Variants in BLOC1S5 observed in about 807,000 individuals in gnomAD.
BLOC1S5 encodes the protein biogenesis of lysosomal organelles complex 1 subunit 5.
A neutral mutation model predicts 24.3 loss-of-function variants in BLOC1S5; 27 were observed. The observed-to-expected ratio is 1.11, with a 90% CI of 0.82 to 1.53. The LOEUF (loss-of-function observed/expected upper bound fraction) is 1.53. Ranked by LOEUF, BLOC1S5 falls within the 40% of genes most tolerant of loss-of-function variation. The probability of loss-of-function intolerance (pLI) is 0.00; values close to 1 mark genes in which losing one functional copy is unlikely to be tolerated. For missense variants in BLOC1S5, 239 were observed against 229.4 expected (o/e 1.04, Z -0.27); for synonymous variants, 84 against 74.5 (o/e 1.13, Z -0.66).
At chr6:8,040,843 G>A (rs561588936) in intron 3 of BLOC1S5, among the ~76,000 whole-genome samples, 11 of 151,172 alleles carry the variant, frequency 7.3e-5, no homozygotes, top group Admixed American at 3.3e-4. Context: ...GACACAGAGT[G>A]AGACTGTGCC....
chr6:8,052,194 C>T (rs1359383849), intron 2 of BLOC1S5, among the ~76,000 whole-genome samples: 5 of 152,160 alleles, frequency 3.3e-5, no homozygotes, highest in African/African-American at 1.2e-4. Context: ...GTCTCGATCT[C>T]CTGACCTTGT....
chr6:8,035,669 CA>C, intron 3 of BLOC1S5, among the ~76,000 whole-genome samples: 1 of 152,266 alleles, frequency 6.6e-6, no homozygotes, highest in Middle Eastern at 3.4e-3. Context: ...ATACAGGGGT[CA>C]ATTCAGCAAG....
At chr6:8,039,370 T>C (rs1763605465) in intron 3 of BLOC1S5, among the ~76,000 whole-genome samples, 1 of 152,188 alleles carries the variant, frequency 6.6e-6, no homozygotes, top group African/African-American at 2.4e-5. Flanking sequence ...GACCTAGTAT[T>C]TGATATATCA....
intron 2 of BLOC1S5, among the ~76,000 whole-genome samples, chr6:8,050,374 C>G (rs1403586749): frequency 6.6e-6 from 1 of 152,094 alleles, no homozygotes; most frequent in Non-Finnish European, 1.5e-5. Context: ...CCATCTCTTT[C>G]CCTCTCCTTG....
chr6:8,039,630 TAA>T (rs56391022), intron 3 of BLOC1S5, among the ~76,000 whole-genome samples: 5,938 of 149,586 alleles, frequency 0.04, 368 homozygotes, highest in African/African-American at 0.13. Context: ...GTATTAGCTT[TAA>T]AAAAAAAAAG....
intron 4 of BLOC1S5, among the ~76,000 whole-genome samples, chr6:8,018,771 C>T (rs1171287614): frequency 3.3e-5 from 5 of 152,166 alleles, no homozygotes; most frequent in Admixed American, 1.3e-4. Context: ...AAATCACAAG[C>T]GAAGCATCTA....
intron 1 of BLOC1S5, among the ~76,000 whole-genome samples, chr6:8,063,975 C>G (rs1757354646): frequency 6.6e-6 from 1 of 152,222 alleles, no homozygotes; most frequent in South Asian, 2.1e-4. Context: ...GCGAGGCTGC[C>G]CAAAGGCTCT....
chr6:8,025,868 A>C (rs979764726), intron 4 of BLOC1S5, among the ~76,000 whole-genome samples: 4 of 152,248 alleles, frequency 2.6e-5, no homozygotes, highest in Non-Finnish European at 5.9e-5. Flanking sequence ...ACAGGAACTT[A>C]AATTCTTGTG....
At chr6:8,024,003 C>T (rs987512615) in intron 4 of BLOC1S5, among the ~76,000 whole-genome samples, 2 of 152,126 alleles carry the variant, frequency 1.3e-5, no homozygotes, top group Non-Finnish European at 2.9e-5. Context: ...AGAATTTTTA[C>T]TTTGAGCAGA....
intron 4 of BLOC1S5, among the ~76,000 whole-genome samples, chr6:8,020,132 AATAAC>A (rs1228728514): frequency 5.3e-5 from 8 of 152,238 alleles, no homozygotes; most frequent in Admixed American, 5.2e-4. Flanking sequence ...AAATTTTTTA[AATAAC>A]ATAAAAGTAT....
At chr6:8,061,944 C>G (rs1451830325) in intron 2 of BLOC1S5, among the ~76,000 whole-genome samples, 1 of 152,174 alleles carries the variant, frequency 6.6e-6, no homozygotes, top group Non-Finnish European at 1.5e-5. Flanking sequence ...ATCCTGTGGA[C>G]AGAAATAGTA....
At chr6:8,044,681 T>C (rs1763816638) in intron 2 of BLOC1S5, among the ~76,000 whole-genome samples, 1 of 152,154 alleles carries the variant, frequency 6.6e-6, no homozygotes, top group South Asian at 2.1e-4. Context: ...GAGGAACTTG[T>C]TGGGAACTGG....
intron 2 of BLOC1S5, among the ~76,000 whole-genome samples, chr6:8,046,042 C>T (rs930772901): frequency 2.0e-5 from 3 of 152,126 alleles, no homozygotes; most frequent in Non-Finnish European, 4.4e-5. Flanking sequence ...TCTGTCCCCA[C>T]CCAAATCTCA....
intron 2 of BLOC1S5, among the ~76,000 whole-genome samples, chr6:8,054,579 C>A (rs1764249762): frequency 1.3e-5 from 2 of 152,214 alleles, no homozygotes; most frequent in South Asian, 4.1e-4. Flanking sequence ...AAGCCCCTGG[C>A]TGTTATTCCA....
intron 3 of BLOC1S5, among the ~76,000 whole-genome samples, chr6:8,030,005 AACAG>A (rs1763243346): frequency 6.6e-6 from 1 of 152,184 alleles, no homozygotes; most frequent in Non-Finnish European, 1.5e-5. Flanking sequence ...GACCTCCCTA[AACAG>A]ACAAAGCAAA....
At chr6:8,053,318 G>A (rs1473427622) in intron 2 of BLOC1S5, among the ~76,000 whole-genome samples, 1 of 152,184 alleles carries the variant, frequency 6.6e-6, no homozygotes, top group East Asian at 1.9e-4. Flanking sequence ...AATCTTTGTA[G>A]AAGGAAGAGT....
At chr6:8,017,657 A>T (rs1762790880) in intron 4 of BLOC1S5, 2 of 152,250 alleles carry the variant, frequency 1.3e-5, no homozygotes, top group Non-Finnish European at 2.9e-5. Flanking sequence ...AGTACCCATG[A>T]AATGCAAACT....
intron 2 of BLOC1S5, among the ~76,000 whole-genome samples, chr6:8,062,227 C>T (rs779692925): frequency 1.3e-5 from 2 of 152,070 alleles, no homozygotes; most frequent in Non-Finnish European, 2.9e-5. Flanking sequence ...GTCTGAAAAA[C>T]TCAGACCCAT....
At chr6:8,038,163 C>G (rs1763551130) in intron 3 of BLOC1S5, among the ~76,000 whole-genome samples, 3 of 152,118 alleles carry the variant, frequency 2.0e-5, no homozygotes, top group Non-Finnish European at 4.4e-5. Flanking sequence ...GGGGTTACAT[C>G]AAGCTAAAAC....
Sources: gnomAD v4.1 joint callset for allele counts (sites outside exome capture counted in the v4.1 genomes callset) on GRCh38, gnomAD v4.1.1 for gene constraint, MANE v1.5 for transcripts, NCBI Gene and HGNC (gene_info 2026-07-23, HGNC 2026-07-21) for gene names.